UBE2H: variants seen among roughly 807,000 people sequenced by gnomAD.
UBE2H encodes the protein ubiquitin-conjugating enzyme E2 H.
UBE2H carries 3 observed loss-of-function variants against 29.0 expected under a neutral mutation model. The ratio of observed to expected loss-of-function variants is 0.10; its 90% confidence interval spans 0.05 to 0.27. The LOEUF is 0.27. UBE2H is among the 10% of genes least tolerant of loss of function. The pLI is 1.00. For missense variants in UBE2H, 68 were observed against 228.2 expected (o/e 0.30, Z 4.52); for synonymous variants, 69 against 82.9 (o/e 0.83, Z 0.91).
intron 3 of UBE2H, among the ~76,000 whole-genome samples, chr7:129,872,437 C>A (rs545814363): frequency 6.6e-6 from 1 of 152,280 alleles, no homozygotes; most frequent in East Asian, 1.9e-4. Context: ...AGTGTGAGGT[C>A]ATTTCTGGCC....
chr7:129,890,333 G>A (rs980882190), intron 1 of UBE2H, among the ~76,000 whole-genome samples: 7 of 151,070 alleles, frequency 4.6e-5, no homozygotes, highest in African/African-American at 1.7e-4. Flanking sequence ...ATATATACGT[G>A]TGTATATATA....
At chr7:129,859,103 A>T (rs1014065216) in intron 3 of UBE2H, 162 bp from the exon 4 acceptor site, 1 of 601,456 alleles carries the variant, frequency 1.7e-6, no homozygotes, top group Non-Finnish European at 2.9e-6. Flanking sequence ...TATTCTCCTG[A>T]TAGCTCCAAT....
chr7:129,887,183 T>C (rs919776897), intron 1 of UBE2H, among the ~76,000 whole-genome samples: 1 of 151,598 alleles, frequency 6.6e-6, no homozygotes, highest in African/African-American at 2.4e-5. Context: ...GAACAAGAAC[T>C]AGAACTAGAA....
At chr7:129,932,630 C>A (rs541453288) in intron 1 of UBE2H, among the ~76,000 whole-genome samples, 1 of 151,380 alleles carries the variant, frequency 6.6e-6, no homozygotes, top group African/African-American at 2.4e-5. Context: ...AAAAATTAGC[C>A]GGGCGTGGTG....
At chr7:129,916,718 A>G (rs1355415370) in intron 1 of UBE2H, among the ~76,000 whole-genome samples, 4 of 152,292 alleles carry the variant, frequency 2.6e-5, no homozygotes, top group African/African-American at 9.6e-5. Context: ...AAGCATGTAC[A>G]CGGCTAATGG....
intron 5 of UBE2H, among the ~76,000 whole-genome samples, chr7:129,844,844 A>G (rs767077528): frequency 7.2e-5 from 11 of 152,184 alleles, no homozygotes; most frequent in Non-Finnish European, 1.2e-4. Flanking sequence ...CTATTTAAAA[A>G]CAGGCTGGGC....
intron 1 of UBE2H, among the ~76,000 whole-genome samples, chr7:129,924,064 A>T (rs1215415146): frequency 6.6e-6 from 1 of 152,228 alleles, no homozygotes; most frequent in Non-Finnish European, 1.5e-5. Context: ...TGAACACTGG[A>T]TAGCATTTTA....
intron 3 of UBE2H, among the ~76,000 whole-genome samples, chr7:129,863,309 G>A (rs1164546926): frequency 6.6e-6 from 1 of 152,206 alleles, no homozygotes; most frequent in African/African-American, 2.4e-5. Context: ...ACAGAGGGCA[G>A]AATCACACCA....
At chr7:129,876,655 T>C (rs1806149416) in intron 3 of UBE2H, among the ~76,000 whole-genome samples, 1 of 152,150 alleles carries the variant, frequency 6.6e-6, no homozygotes, top group African/African-American at 2.4e-5. Context: ...AAAATTCACA[T>C]CCAGCTTCAA....
intron 1 of UBE2H, among the ~76,000 whole-genome samples, chr7:129,911,848 G>A (rs936743066): frequency 6.6e-6 from 1 of 152,026 alleles, no homozygotes; most frequent in East Asian, 1.9e-4. Context: ...TTGATATGTT[G>A]CCCAGGCTAA....
chr7:129,890,055 C>T (rs916950094), intron 1 of UBE2H, among the ~76,000 whole-genome samples: 4 of 151,972 alleles, frequency 2.6e-5, no homozygotes, highest in African/African-American at 9.7e-5. Context: ...ATTGCTGGAG[C>T]CCAGGAGTTT....
intron 1 of UBE2H, among the ~76,000 whole-genome samples, chr7:129,928,047 A>T (rs1202278711): frequency 6.4e-5 from 8 of 125,604 alleles, no homozygotes; most frequent in Admixed American, 5.6e-4. Flanking sequence ...AAAAAAAAAA[A>T]TTTGGCTGGG....
At chr7:129,890,881 T>C (rs941990493) in intron 1 of UBE2H, among the ~76,000 whole-genome samples, 2 of 151,820 alleles carry the variant, frequency 1.3e-5, no homozygotes, top group African/African-American at 4.8e-5. Context: ...ACGCCTGTAA[T>C]CCCAGCACTT....
chr7:129,918,069 T>C (rs1467296328), intron 1 of UBE2H, among the ~76,000 whole-genome samples: 1 of 152,206 alleles, frequency 6.6e-6, no homozygotes, highest in African/African-American at 2.4e-5. Context: ...ACTGCTTTTA[T>C]TAGACACTGG....
chr7:129,835,678 G>A (rs1487674566), intron 6 of UBE2H, among the ~76,000 whole-genome samples: 1 of 152,128 alleles, frequency 6.6e-6, no homozygotes, highest in African/African-American at 2.4e-5. Flanking sequence ...CTACAGCCTT[G>A]GTGGAACCCT....
chr7:129,848,977 C>T (rs974077342), intron 5 of UBE2H, among the ~76,000 whole-genome samples: 3 of 151,686 alleles, frequency 2.0e-5, no homozygotes, highest in African/African-American at 7.3e-5. Flanking sequence ...TCTTTACCTT[C>T]TACTCCTTTA....
chr7:129,950,644 C>G (rs1177129409), intron 1 of UBE2H, among the ~76,000 whole-genome samples: 2 of 152,174 alleles, frequency 1.3e-5, no homozygotes, highest in Admixed American at 1.3e-4. Flanking sequence ...TCTCCCCACT[C>G]CATCCCAATT....
At chr7:129,859,659 G>C (rs559926347) in intron 3 of UBE2H, among the ~76,000 whole-genome samples, 1 of 152,160 alleles carries the variant, frequency 6.6e-6, no homozygotes, top group Non-Finnish European at 1.5e-5. Flanking sequence ...TGAACTTCAA[G>C]GAGAAATTAA....
chr7:129,911,704 C>A (rs1806941665), intron 1 of UBE2H, among the ~76,000 whole-genome samples: 1 of 152,086 alleles, frequency 6.6e-6, no homozygotes, highest in African/African-American at 2.4e-5. Context: ...GTGGCATCAT[C>A]ATAGCTCACT....
Sources: allele counts gnomAD v4.1 joint callset (sites outside exome capture counted in the v4.1 genomes callset), GRCh38; gene constraint gnomAD v4.1.1; transcripts MANE v1.5; gene names NCBI Gene and HGNC (gene_info 2026-07-23, HGNC 2026-07-21).